MEOX2: variants seen among roughly 807,000 people sequenced by gnomAD.
MEOX2 encodes the protein mesenchyme homeobox 2.
In MEOX2, 11 loss-of-function variants were observed where a neutral mutation model predicts 27.0. The ratio of observed to expected loss-of-function variants is 0.41; its 90% CI spans 0.26 to 0.68. MEOX2 has a LOEUF of 0.68. Ranked by LOEUF, MEOX2 falls within the 30% of genes least tolerant of loss-of-function variation. The probability of loss-of-function intolerance (pLI) is 0.33; values close to 1 mark genes in which losing one functional copy is unlikely to be tolerated. For synonymous variants in MEOX2, 189 were observed against 155.4 expected (o/e 1.22, Z -1.61); for missense variants, 436 against 385.4 (o/e 1.13, Z -1.10).
At position 15,614,315 on chromosome 7, in the gene MEOX2, A is replaced by G. The variant is rs148624696; in HGVS notation, c.691-1704T>C. Among the ~76,000 whole-genome samples the G allele has an allele frequency of 1.5e-3, 232 of 152,040 alleles. 2 individuals are homozygous for G. Among genetic ancestry groups the G allele is most frequent in the African/African-American group, 5.2e-3 (216 of 41,520 alleles). ...TGTAGTCCCAGCTTCTCAGGAGGCT[A>G]GGGTTGGAGGATTGCTTGAGCCCAA... On this transcript the variant is annotated intron_variant, in intron 2 of 2. Coordinates refer to ENST00000262041, the MANE Select transcript of MEOX2 (RefSeq NM_005924.5).
At chr7:15,661,294 C>A (rs994948575) in intron 1 of MEOX2, among the ~76,000 whole-genome samples, 4 of 152,010 alleles carry the variant, frequency 2.6e-5, no homozygotes, top group Non-Finnish European at 2.9e-5. Flanking sequence ...AACTAAGAAC[C>A]GTATTCACTC....
At chr7:15,619,602 A>G (rs896998530) in intron 2 of MEOX2, among the ~76,000 whole-genome samples, 7 of 151,976 alleles carry the variant, frequency 4.6e-5, no homozygotes, top group African/African-American at 1.4e-4. Context: ...GTGTGTATAT[A>G]TACACATATG....
intron 1 of MEOX2, chr7:15,681,403 T>C (rs1782289688): frequency 6.6e-6 from 1 of 151,708 alleles, no homozygotes. Context: ...TAAGTACATG[T>C]AGTGGGCTTA....
At chr7:15,617,409 T>A (rs1781140654) in intron 2 of MEOX2, among the ~76,000 whole-genome samples, 1 of 152,012 alleles carries the variant, frequency 6.6e-6, no homozygotes, top group South Asian at 2.1e-4. Flanking sequence ...TGGCAGTGTA[T>A]CTAGTAAATC....
intron 1 of MEOX2, among the ~76,000 whole-genome samples, chr7:15,632,373 A>G (rs975014880): frequency 7.2e-5 from 11 of 151,944 alleles, no homozygotes; most frequent in African/African-American, 2.4e-4. Context: ...TTAAATGATG[A>G]GATTTTAATG....
intron 1 of MEOX2, among the ~76,000 whole-genome samples, chr7:15,642,708 A>G (rs1374510843): frequency 6.6e-6 from 1 of 152,164 alleles, no homozygotes; most frequent in East Asian, 1.9e-4. Flanking sequence ...AGAATTATTT[A>G]TGCTGGTTCC....
At chr7:15,679,997 A>G (rs1782266933) in intron 1 of MEOX2, 1 of 151,906 alleles carries the variant, frequency 6.6e-6, no homozygotes, top group African/African-American at 2.4e-5. Flanking sequence ...GAAATATTAT[A>G]TTTCTGTACA....
At chr7:15,625,497 A>G (rs1006864857) in intron 2 of MEOX2, among the ~76,000 whole-genome samples, 3 of 152,230 alleles carry the variant, frequency 2.0e-5, no homozygotes, top group Non-Finnish European at 2.9e-5. Context: ...GCTGAAATGT[A>G]AAAATTAACA....
intron 1 of MEOX2, among the ~76,000 whole-genome samples, chr7:15,660,710 C>T (rs1162729678): frequency 3.9e-5 from 6 of 152,040 alleles, no homozygotes; most frequent in Non-Finnish European, 7.4e-5. Context: ...GTTAAATCCA[C>T]GGTCACCATT....
rs17199 is a variant in MEOX2 at position 15,612,145 on chromosome 7, C to T, written c.*242G>A. On this transcript the variant is annotated 3_prime_UTR_variant, in exon 3 of 3. Transcript: ENST00000262041. The stretch of plus-strand genomic sequence containing the variant: ...ACATACCTGCTCACTGCCATACGCA[C>T]GACCAAACACATCTGGAATATTCAA... 0.65 allele frequency: 357,650 copies of T among 548,946 alleles called. 118,953 individuals carry two copies. The highest frequency in any genetic ancestry group is 0.83 in the East Asian group (27,448 of 33,040). The allele number at this position is 548,946 out of a possible 1,614,324, so 34.0% of individuals were successfully genotyped here.
chr7:15,644,565 C>T (rs1389984172), intron 1 of MEOX2, among the ~76,000 whole-genome samples: 1 of 152,108 alleles, frequency 6.6e-6, no homozygotes, highest in African/African-American at 2.4e-5. Context: ...TGCAGCACAG[C>T]CTTTCCTGAG....
intron 1 of MEOX2, among the ~76,000 whole-genome samples, chr7:15,637,756 G>T: frequency 6.6e-6 from 1 of 151,968 alleles, no homozygotes; most frequent in East Asian, 1.9e-4. Context: ...TTTGAAGCCA[G>T]CAGACTTGGG....
rs528476147 is a variant in MEOX2, at chr7:15,686,064, G to T, written c.339C>A (p.Asp113Glu). 6.3e-7 allele frequency: 1 copy of T among 1,599,550 alleles called. No homozygotes were observed. Among genetic ancestry groups the T allele is most frequent in the East Asian group, 2.3e-5 (1 of 44,076 alleles). ...TCCCCAACTCTGGGGGCCCTCCAGA[G>T]TCGGGCTGGAGGCAGAGGCTGTGCC... ...AARHSLCLQP[D>E]SGGPPELGSS... The change falls in exon 1 of 3, where the codon GAC becomes GAA. Residue 113 changes from aspartate (D) to glutamate (E), a missense_variant. Physicochemically the swap from Asp to Glu is conservative, Grantham distance 45. Transcript: ENST00000262041.
chr7:15,641,405 G>C (rs550212565), intron 1 of MEOX2, among the ~76,000 whole-genome samples: 1 of 151,936 alleles, frequency 6.6e-6, no homozygotes, highest in Admixed American at 6.6e-5. Flanking sequence ...TTGTTGGTTT[G>C]AAGTCTGTTT....
chr7:15,620,086 CTT>C (rs1297798912), intron 2 of MEOX2, among the ~76,000 whole-genome samples: 6 of 152,020 alleles, frequency 3.9e-5, no homozygotes, highest in Non-Finnish European at 7.4e-5. Flanking sequence ...AGGAATGTCT[CTT>C]TATATTTAAT....
At chr7:15,685,858 C>A in intron 1 of MEOX2, 28 bp downstream of exon 1, 1 of 1,554,776 alleles carries the variant, frequency 6.4e-7, no homozygotes, top group Non-Finnish European at 8.7e-7. Context: ...CCGGCGCGCA[C>A]TCTCGAGGGT....
chr7:15,633,117 G>A (rs2115365069), intron 1 of MEOX2, among the ~76,000 whole-genome samples: 1 of 152,050 alleles, frequency 6.6e-6, no homozygotes, highest in South Asian at 2.1e-4. Flanking sequence ...CTGTACGGAT[G>A]CTTTCTCTCC....
At chr7:15,645,759 G>C (rs1781636405) in intron 1 of MEOX2, among the ~76,000 whole-genome samples, 1 of 152,100 alleles carries the variant, frequency 6.6e-6, no homozygotes, top group African/African-American at 2.4e-5. Flanking sequence ...CAGAGTGCCT[G>C]ACCTCTAGAG....
chr7:15,667,909 T>C (rs192741883), intron 1 of MEOX2: 1 of 152,340 alleles, frequency 6.6e-6, no homozygotes, highest in African/African-American at 2.4e-5. Context: ...TGTGTGCCTC[T>C]TGTGTTAAGC....
Sources: allele counts gnomAD v4.1 joint callset (sites outside exome capture counted in the v4.1 genomes callset), GRCh38; gene constraint gnomAD v4.1.1; transcripts MANE v1.5; gene names NCBI Gene and HGNC (gene_info 2026-07-23, HGNC 2026-07-21).